The following TTLL12 variants were observed in gnomAD, a reference collection of about 807,000 sequenced individuals.
TTLL12 encodes tubulin tyrosine ligase like 12.
In TTLL12, 77 loss-of-function variants were observed where a neutral mutation model predicts 79.6. The observed-to-expected ratio is 0.97, with a 90% CI of 0.81 to 1.17. The LOEUF is 1.17. TTLL12 is among the 50% of genes most tolerant of loss of function. The pLI is 0.00. For synonymous variants in TTLL12, 437 were observed against 376.1 expected, an observed-to-expected ratio of 1.16 and a Z score of -1.87; for missense variants, 969 against 895.9, an observed-to-expected ratio of 1.08 and a Z score of -1.04.
At chr22:43,172,652 C>A in intron 9 of TTLL12, 98 bp from the exon 10 acceptor site, 6 of 1,327,810 alleles carry the variant, frequency 4.5e-6, no homozygotes, top group Non-Finnish European at 6.4e-6. Flanking sequence ...CATGGCTGCA[C>A]TTTACTCCTC....
At position 43,173,534 on chromosome 22, in the gene TTLL12, T is replaced by C. The variant is rs144119070; in HGVS notation, c.1341+181A>G. ...GTCTCCCTATGTTGCTCAGGTTGGTTCCAAACTTCTGGGCTCAAGTGATCC... is the reference window on the plus strand; with the variant it reads ...GTCTCCCTATGTTGCTCAGGTTGGTCCCAAACTTCTGGGCTCAAGTGATCC... On this transcript the variant is annotated intron_variant, in intron 9 of 13. Coordinates refer to ENST00000216129, the MANE Select transcript of TTLL12 (RefSeq NM_015140.4). Among the ~76,000 whole-genome samples the C allele has an allele frequency of 4.3e-3, 657 of 152,228 alleles. 5 individuals carry two copies. The highest frequency in any genetic ancestry group is 0.015 in the African/African-American group (623 of 41,538).
chr22:43,183,257 A>C, intron 1 of TTLL12, 108 bp from the exon 2 acceptor site: 1 of 1,375,204 alleles, frequency 7.3e-7, no homozygotes. Context: ...CCTCAAGGAC[A>C]AACTTGTCTC....
chr22:43,184,947 C>T lies in TTLL12; in HGVS notation c.178-1798G>A, dbSNP rs568559841. Among the ~76,000 whole-genome samples, 18 of 152,182 alleles carry T rather than the reference C, an allele frequency of 1.2e-4. No homozygotes were observed. In the South Asian group the frequency reaches 3.5e-3, roughly 30 times the overall value. On this transcript the variant is annotated intron_variant, in intron 1 of 13. Transcript: ENST00000216129. ...AGTAGACATTTTAAAAACATCTCTT[C>T]GGCCGGCCGTGGCGGCTCACGTCTG...
chr22:43,178,360 T>C (rs1163756052), intron 5 of TTLL12, among the ~76,000 whole-genome samples: 14 of 151,352 alleles, frequency 9.2e-5, no homozygotes, highest in Non-Finnish European at 7.4e-5. Context: ...CTCGCTCTGT[T>C]TCTCAGGCTG....
chr22:43,185,247 TTA>T lies in TTLL12; in HGVS notation c.177+1644_177+1645del, dbSNP rs3985927. On this transcript the variant is annotated intron_variant, in intron 1 of 13. Transcript: ENST00000216129. ...CGTCTCAATTAAAAAAAGAAAAAAA[TTA>T]TATATATATATATATATATATATAT... Among the ~76,000 whole-genome samples the T allele has an allele frequency of 4.9e-3, 559 of 114,896 alleles. 1 individual carries two copies. Among genetic ancestry groups the T allele is most frequent in the East Asian group, 6.2e-3 (18 of 2,902 alleles). 75.4% of individuals were successfully genotyped at this position (114,896 alleles called of 152,430 possible).
At position 43,187,092 on chromosome 22, in the gene TTLL12, C is replaced by T; in HGVS notation, c.-23G>A. The T allele has an allele frequency of 8.9e-7, 1 of 1,120,144 alleles. No homozygotes were observed. 69.4% of individuals were successfully genotyped at this position (1,120,144 alleles called of 1,614,324 possible). The stretch of plus-strand genomic sequence containing the variant: ...CATGGCGCCAGCACCCGCGCCGACT[C>T]CAGCGCCGCCACCGCCGCCGCCGCC... On this transcript the variant is annotated 5_prime_UTR_variant, in exon 1 of 14. Transcript: ENST00000216129.
Position 43,176,391 on chromosome 22 carries a change from A to G in TTLL12, c.846T>C (p.Ile282=). ...PEPPAEHYQA[I]LEENKEKLPL... is the part of the protein sequence containing the mutation. ...GCAGCTTCTCCTTGTTTTCCTCCAG[A>G]ATGGCCTAAAAGGAAACACACCGGA... The change falls in exon 6 of 14, where the codon ATT becomes ATC. Residue 282 remains isoleucine (I), a synonymous_variant. Coordinates refer to ENST00000216129, the MANE Select transcript of TTLL12 (RefSeq NM_015140.4). 1 of 1,604,886 alleles carries G rather than the reference A, an allele frequency of 6.2e-7. No homozygotes were observed. Among genetic ancestry groups the G allele is most frequent in the Non-Finnish European group, 8.5e-7 (1 of 1,176,802 alleles).
rs1405669901 is a variant in TTLL12, at chr22:43,171,550, G to A, written c.1575+269C>T. 1.0e-5 allele frequency: 4 copies of A among 396,070 alleles called. No individual in the cohort carries two copies. The East Asian group carries it at 1.7e-4, about 17-fold the overall frequency. 24.5% of individuals were successfully genotyped at this position (396,070 alleles called of 1,614,324 possible). A position where few individuals can be genotyped will look rare whatever the true frequency, so the allele number is the denominator to read the frequency against. On this transcript the variant is annotated intron_variant, in intron 11 of 13. Coordinates refer to ENST00000216129, the MANE Select transcript of TTLL12 (RefSeq NM_015140.4). ...GGCTGGGAACACACTGTCTCAACCT[G>A]CTGCTGGACCCATCCCCCTCTGTGT...
chr22:43,180,089 C>A (rs192181939), intron 3 of TTLL12, 89 bp from the exon 4 acceptor site: 7 of 1,449,876 alleles, frequency 4.8e-6, no homozygotes, highest in Non-Finnish European at 9.3e-7. Context: ...CACCAGCCCA[C>A]AGCCATTTCT....
chr22:43,179,582 C>G, intron 5 of TTLL12, 37 bp downstream of exon 5: 1 of 1,523,968 alleles, frequency 6.6e-7, no homozygotes, highest in Non-Finnish European at 8.8e-7. Flanking sequence ...TGGAAGCTAC[C>G]AAGCAGACAG....
intron 11 of TTLL12, among the ~76,000 whole-genome samples, chr22:43,171,432 C>A (rs556793151): frequency 7.9e-5 from 12 of 152,348 alleles, no homozygotes; most frequent in African/African-American, 2.9e-4. Flanking sequence ...CAGCAGCCAG[C>A]CGGACCAGGT....
intron 1 of TTLL12, among the ~76,000 whole-genome samples, chr22:43,184,064 C>T (rs951783648): frequency 2.6e-5 from 4 of 152,226 alleles, no homozygotes; most frequent in Non-Finnish European, 2.9e-5. Flanking sequence ...AAACACGTGG[C>T]GCCATTGTTA....
rs531049775 is a variant in TTLL12, at chr22:43,183,005, C to A, written c.322G>T (p.Gly108Trp). The A allele has an allele frequency of 1.2e-6, 2 of 1,613,696 alleles. No homozygotes were observed. Among genetic ancestry groups the A allele is most frequent in the Non-Finnish European group, 1.7e-6 (2 of 1,179,852 alleles). ...CTGTTGGGGTGGGCTGCCTGGAGCC[C>A]GCTCTCCCTGGTCACGATGACCTTG... ...CYKVIVTRES[G>W]LQAAHPNSIF... is the part of the protein sequence containing the mutation. Residue 108 changes from glycine (G) to tryptophan (W), a missense_variant, in exon 2 of 14, where the codon GGG becomes TGG. Coordinates refer to ENST00000216129, the MANE Select transcript of TTLL12 (RefSeq NM_015140.4).
In TTLL12 at chr22:43,167,710, C is replaced by A; in HGVS notation, c.*298G>T. The A allele has an allele frequency of 7.2e-6, 2 of 278,086 alleles. No homozygotes were observed. The highest frequency in any genetic ancestry group is 1.4e-5 in the Non-Finnish European group (2 of 147,048). The allele number at this position is 278,086 out of a possible 1,614,324, so 17.2% of individuals were successfully genotyped here. Reference sequence around the variant, plus strand: ...AAATTCTCCATGCCAGGAACAAAGCCCTTGGCTAAACTGGAGACTCATCAG... The same window carrying A: ...AAATTCTCCATGCCAGGAACAAAGCACTTGGCTAAACTGGAGACTCATCAG... On this transcript the variant is annotated 3_prime_UTR_variant, in exon 14 of 14. Transcript: ENST00000216129.
rs1216510918 is a variant in TTLL12, at chr22:43,180,754, CTG to C, written c.532_533del (p.Gln178AlafsTer7). The C allele has an allele frequency of 6.2e-7, 1 of 1,613,096 alleles. No homozygotes were observed. Among genetic ancestry groups the C allele is most frequent in the Admixed American group, 1.7e-5 (1 of 60,022 alleles). ...GCTACCCACTCACCCCATGGGCCAG[CTG>C]GTAGGTCTGGTTGAACTTCCACATC... ...EEMWKFNQTY[Q>X]LAHGTAEEKM... is the part of the protein sequence containing the mutation. On this transcript the variant is annotated frameshift_variant, in exon 3 of 14. Coordinates refer to ENST00000216129, the MANE Select transcript of TTLL12 (RefSeq NM_015140.4). LOFTEE classifies it high-confidence loss of function.
chr22:43,174,746 G>A, intron 6 of TTLL12, 131 bp from the exon 7 acceptor site: 3 of 679,946 alleles, frequency 4.4e-6, no homozygotes, highest in Non-Finnish European at 7.4e-6. Flanking sequence ...CTGGGTTCGA[G>A]TCATGATGCT....
In TTLL12 at chr22:43,187,097, G is replaced by GCCGCCT; in HGVS notation, c.-29_-28insAGGCGG. 2 of 1,084,476 alleles carry GCCGCCT rather than the reference G, an allele frequency of 1.8e-6. No individual in the cohort carries two copies. Among genetic ancestry groups the GCCGCCT allele is most frequent in the Non-Finnish European group, 2.2e-6 (2 of 896,668 alleles). 67.2% of individuals were successfully genotyped at this position (1,084,476 alleles called of 1,614,324 possible). ...CGCCAGCACCCGCGCCGACTCCAGC[G>GCCGCCT]CCGCCACCGCCGCCGCCGCCCGCCG... On this transcript the variant is annotated 5_prime_UTR_variant, in exon 1 of 14. Transcript: ENST00000216129.
At chr22:43,176,586 C>T (rs560828250) in intron 5 of TTLL12, among the ~76,000 whole-genome samples, 190 bp from the exon 6 acceptor site, 29 of 151,984 alleles carry the variant, frequency 1.9e-4, no homozygotes, top group Admixed American at 4.6e-4. Flanking sequence ...AAAAATTAGC[C>T]AGGCATGGTG....
At chr22:43,173,607 C>T (rs1164931645) in intron 9 of TTLL12, 108 bp downstream of exon 9, 1 of 1,062,710 alleles carries the variant, frequency 9.4e-7, no homozygotes, top group Non-Finnish European at 1.3e-6. Flanking sequence ...GCCACCCTGC[C>T]CAGCCTGGAC....
Sources: gnomAD v4.1 joint callset for allele counts (sites outside exome capture counted in the v4.1 genomes callset) on GRCh38, gnomAD v4.1.1 for gene constraint, MANE v1.5 for transcripts, NCBI Gene and HGNC (gene_info 2026-07-23, HGNC 2026-07-21) for gene names.